The following DCAF8L2 variants were observed in gnomAD, a reference collection of about 807,000 sequenced individuals.
DCAF8L2 encodes DDB1- and CUL4-associated factor 8-like protein 2.
For missense variants in DCAF8L2, 430 were observed against 490.7 expected, an observed-to-expected ratio of 0.88 and a Z score of 1.17; for synonymous variants, 200 against 190.9, an observed-to-expected ratio of 1.05 and a Z score of -0.39.
chrX:27,704,061 G>GTGTA (rs1555930566), intron 3 of DCAF8L2, among the ~76,000 whole-genome samples: 1 of 99,163 alleles, frequency 1.0e-5, no homozygotes, highest in African/African-American at 3.9e-5. Flanking sequence ...CATTGTGTGT[G>GTGTA]TATATATATA....
chrX:27,727,233 T>C (rs1276258441), intron 4 of DCAF8L2, among the ~76,000 whole-genome samples: 30 of 111,584 alleles, frequency 2.7e-4, no homozygotes, highest in Non-Finnish European at 9.4e-5. Context: ...CTCACTTGGG[T>C]CTTCCAACTT....
At chrX:27,576,536 T>C in the DCAF8L2 span, among the ~76,000 whole-genome samples, 1 of 112,223 alleles carries the variant, frequency 8.9e-6, no homozygotes, top group Non-Finnish European at 1.9e-5. Flanking sequence ...CATTATCTCA[T>C]TTTATGTAAC....
chrX:27,534,943 A>G, the DCAF8L2 span, among the ~76,000 whole-genome samples: 1 of 111,626 alleles, frequency 9.0e-6, no homozygotes, highest in Admixed American at 9.6e-5. Flanking sequence ...TTCTTTTGAA[A>G]CCCAATTGCT....
At chrX:27,642,626 T>C (rs982691898) in intron 2 of DCAF8L2, among the ~76,000 whole-genome samples, 5 of 111,691 alleles carry the variant, frequency 4.5e-5, no homozygotes, top group African/African-American at 9.8e-5. Flanking sequence ...CATCTTCCCA[T>C]ATTTCCATGT....
upstream of DCAF8L2, among the ~76,000 whole-genome samples, chrX:27,587,350 C>T (rs1456678155): frequency 2.7e-5 from 3 of 111,219 alleles, no homozygotes; most frequent in African/African-American, 6.5e-5. Context: ...TGGGTTGTAA[C>T]GTAGCAACAA....
the DCAF8L2 span, among the ~76,000 whole-genome samples, chrX:27,492,481 CTT>C: frequency 1.1e-4 from 11 of 96,155 alleles, no homozygotes; most frequent in Admixed American, 1.1e-4. Flanking sequence ...TTCTTTCTTT[CTT>C]TTTTTTTTTT....
At chrX:27,557,762 G>A in the DCAF8L2 span, among the ~76,000 whole-genome samples, 4 of 94,916 alleles carry the variant, frequency 4.2e-5, no homozygotes, top group East Asian at 8.8e-4. Flanking sequence ...GGGCTTCCAC[G>A]TGGAAGAGCA....
chrX:27,688,873 A>T (rs1930607918), intron 3 of DCAF8L2, among the ~76,000 whole-genome samples: 1 of 111,469 alleles, frequency 9.0e-6, no homozygotes, highest in African/African-American at 3.3e-5. Context: ...TATTTTTTTA[A>T]TCCAAAAATA....
intron 1 of DCAF8L2, among the ~76,000 whole-genome samples, chrX:27,618,595 T>G (rs1240234621): frequency 9.0e-6 from 1 of 111,397 alleles, no homozygotes; most frequent in Admixed American, 9.6e-5. Context: ...GATGGAGCCT[T>G]TGTACTAATT....
intron 4 of DCAF8L2, among the ~76,000 whole-genome samples, chrX:27,720,547 G>A (rs1054214570): frequency 1.8e-5 from 2 of 110,254 alleles, no homozygotes; most frequent in Non-Finnish European, 1.9e-5. Context: ...CTAATTTTTT[G>A]TATTTTTAGT....
In DCAF8L2 at chrX:27,719,715, G is replaced by A. The variant is rs1931826624; in HGVS notation, c.-59+3544G>A. On this transcript the variant is annotated intron_variant, in intron 4 of 4. Coordinates refer to ENST00000451261, the MANE Select transcript of DCAF8L2 (RefSeq NM_001353450.2). ...ACACCTCAGCCTCCCAAAGTGCTGGGATAACAGGCGTGAGCCACTGTGCCA... is the reference window on the plus strand; with the variant it reads ...ACACCTCAGCCTCCCAAAGTGCTGGAATAACAGGCGTGAGCCACTGTGCCA... Among the ~76,000 whole-genome samples, 4 of 111,441 alleles carry A rather than the reference G, an allele frequency of 3.6e-5. No homozygotes were observed. In the South Asian group the frequency reaches 1.5e-3, roughly 42 times the overall value.
chrX:27,701,890 G>GAA (rs78408179), intron 3 of DCAF8L2, among the ~76,000 whole-genome samples: 12 of 106,035 alleles, frequency 1.1e-4, no homozygotes, highest in East Asian at 3.0e-4. Flanking sequence ...AGAGATTAGA[G>GAA]AAAAAAAAGC....
chrX:27,617,799 A>T (rs1178402221), intron 1 of DCAF8L2, among the ~76,000 whole-genome samples: 1 of 111,783 alleles, frequency 8.9e-6, no homozygotes, highest in African/African-American at 3.2e-5. Flanking sequence ...GATTTAGACA[A>T]TAAATAAAGT....
At chrX:27,623,916 A>G (rs1276289074) in intron 1 of DCAF8L2, among the ~76,000 whole-genome samples, 1 of 112,009 alleles carries the variant, frequency 8.9e-6, no homozygotes, top group Non-Finnish European at 1.9e-5. Context: ...ATACTTTCAC[A>G]AACTTCTTAA....
the DCAF8L2 span, among the ~76,000 whole-genome samples, chrX:27,565,258 T>C: frequency 9.0e-6 from 1 of 110,796 alleles, no homozygotes; most frequent in Non-Finnish European, 1.9e-5. Context: ...GTTTTAATCA[T>C]AAATGGATGT....
At chrX:27,678,798 T>A (rs1268673088) in intron 3 of DCAF8L2, among the ~76,000 whole-genome samples, 5 of 111,883 alleles carry the variant, frequency 4.5e-5, no homozygotes, top group African/African-American at 1.6e-4. Flanking sequence ...TTAATGCCAC[T>A]GAACTATATG....
At chrX:27,514,708 A>AAC in the DCAF8L2 span, among the ~76,000 whole-genome samples, 1 of 86,702 alleles carries the variant, frequency 1.2e-5, no homozygotes, top group Non-Finnish European at 2.2e-5. Context: ...AAAAAAAAAA[A>AAC]CAGAGTGAAA....
the DCAF8L2 span, among the ~76,000 whole-genome samples, chrX:27,534,801 C>T: frequency 8.9e-6 from 1 of 111,891 alleles, no homozygotes; most frequent in East Asian, 2.8e-4. Context: ...TTAAGGATTC[C>T]CAAATTTATA....
Position 27,626,746 on chromosome X carries a change from A to G in DCAF8L2, c.-341-5133A>G, listed in dbSNP as rs7066320. Among the ~76,000 whole-genome samples, 1,084 of 112,111 alleles carry G rather than the reference A, an allele frequency of 9.7e-3. 7 individuals are homozygous for G. Among genetic ancestry groups the G allele is most frequent in the African/African-American group, 0.033 (1,029 of 30,921 alleles). Reference sequence around the variant, plus strand: ...GTAACACTGCACACAAAGGATGAGAAAGCAAGCTGAAATATAGGAGGCAAA... The same window carrying G: ...GTAACACTGCACACAAAGGATGAGAGAGCAAGCTGAAATATAGGAGGCAAA... On this transcript the variant is annotated intron_variant, in intron 1 of 4. Coordinates refer to ENST00000451261, the MANE Select transcript of DCAF8L2 (RefSeq NM_001353450.2).
Sources: allele counts gnomAD v4.1 joint callset (sites outside exome capture counted in the v4.1 genomes callset), GRCh38; gene constraint gnomAD v4.1.1; transcripts MANE v1.5; gene names NCBI Gene and HGNC (gene_info 2026-07-23, HGNC 2026-07-21).